HPCAL1: variants seen among roughly 807,000 people sequenced by gnomAD.
The protein encoded by HPCAL1 is hippocalcin-like protein 1.
HPCAL1 carries 8 observed loss-of-function variants against 17.1 expected under a neutral mutation model. The ratio of observed to expected loss-of-function variants is 0.47; its 90% CI spans 0.27 to 0.84. HPCAL1 has a LOEUF of 0.84. HPCAL1 is among the 40% of genes least tolerant of loss of function. The pLI is 0.13. For synonymous variants in HPCAL1, 112 were observed against 111.4 expected, an observed-to-expected ratio of 1.01 and a Z score of -0.03; for missense variants, 165 against 271.1, an observed-to-expected ratio of 0.61 and a Z score of 2.75.
chr2:10,338,636 C>A (rs1664870401), intron 1 of HPCAL1, among the ~76,000 whole-genome samples: 1 of 152,158 alleles, frequency 6.6e-6, no homozygotes, highest in African/African-American at 2.4e-5. Context: ...AAGCCACAGT[C>A]CTGAGTTATG....
At chr2:10,418,450 A>C (rs1670818462) in intron 2 of HPCAL1, among the ~76,000 whole-genome samples, 2 of 84,946 alleles carry the variant, frequency 2.4e-5, no homozygotes, top group Admixed American at 2.7e-4. Flanking sequence ...CCATCTCAAA[A>C]AAAAAAAAAA....
intron 1 of HPCAL1, among the ~76,000 whole-genome samples, chr2:10,318,837 T>G (rs1663488285): frequency 6.6e-6 from 1 of 152,188 alleles, no homozygotes; most frequent in African/African-American, 2.4e-5. Flanking sequence ...TGCCTCCCTA[T>G]GGACTCTGTT....
At chr2:10,326,798 T>C (rs987729111) in intron 1 of HPCAL1, among the ~76,000 whole-genome samples, 2 of 152,210 alleles carry the variant, frequency 1.3e-5, no homozygotes, top group African/African-American at 4.8e-5. Context: ...TCTCCCTCCC[T>C]GTGCATTTGA....
At chr2:10,317,709 T>A (rs1282587513) in intron 1 of HPCAL1, among the ~76,000 whole-genome samples, 1 of 152,244 alleles carries the variant, frequency 6.6e-6, no homozygotes, top group Non-Finnish European at 1.5e-5. Flanking sequence ...TAAACCACCA[T>A]GCTCGGCCTC....
Position 10,359,265 on chromosome 2 carries a change from G to A in HPCAL1, c.-110-37570G>A, listed in dbSNP as rs992366972. ...TCTGGTGTGTGCCTATGTTTGCTGC[G>A]GGCTGGCTCGGCGAGGGGGAGGTGG... On this transcript the variant is annotated intron_variant, in intron 1 of 4. Coordinates refer to ENST00000307845, the MANE Select transcript of HPCAL1 (RefSeq NM_002149.4). The surrounding 1 kb of genome is among the most constrained non-coding windows in gnomAD (Gnocchi z 4.1). 6.6e-6 allele frequency among the ~76,000 whole-genome samples: 1 copy of A among 152,128 alleles called. No individual in the cohort carries two copies. Among genetic ancestry groups the A allele is most frequent in the Non-Finnish European group, 1.5e-5 (1 of 68,026 alleles).
chr2:10,384,178 G>A lies in HPCAL1; in HGVS notation c.-110-12657G>A, dbSNP rs7575496. Among the ~76,000 whole-genome samples the A allele has an allele frequency of 0.54, 81,309 of 151,854 alleles. 22,234 individuals are homozygous for A. Among genetic ancestry groups the A allele is most frequent in the Middle Eastern group, 0.62 (182 of 294 alleles). The stretch of plus-strand genomic sequence containing the variant: ...AACAACCCCAGACCTCCTCCCTCAG[G>A]GTGGGGACAAGGTGAGGGAGGTGGC... On this transcript the variant is annotated intron_variant, in intron 1 of 4. Transcript: ENST00000307845. The surrounding 1 kb of genome is among the most constrained non-coding windows in gnomAD (Gnocchi z 4.4).
intron 1 of HPCAL1, among the ~76,000 whole-genome samples, chr2:10,346,328 A>C (rs371928791): frequency 3.0e-4 from 46 of 152,146 alleles, no homozygotes; most frequent in African/African-American, 1.1e-3. Context: ...CTCATGCCAG[A>C]ATTGGGAGGG....
chr2:10,420,748 A>T, intron 3 of HPCAL1, among the ~76,000 whole-genome samples: 1 of 152,120 alleles, frequency 6.6e-6, no homozygotes, highest in Admixed American at 6.5e-5. Context: ...AAATAGATGA[A>T]TTTCTAAAAA....
chr2:10,318,867 T>A (rs1484149520), intron 1 of HPCAL1, among the ~76,000 whole-genome samples: 1 of 152,326 alleles, frequency 6.6e-6, no homozygotes, highest in East Asian at 1.9e-4. Flanking sequence ...CTACCCTCCC[T>A]GAAGCTTGAA....
chr2:10,427,204 G>T lies in HPCAL1; in HGVS notation c.*383G>T. ...GTGATCCCAAGTGACTCTGTGGGAAGGGTGGGGACGAGGCGTCGGGAGGGT... is the reference window on the plus strand; with the variant it reads ...GTGATCCCAAGTGACTCTGTGGGAATGGTGGGGACGAGGCGTCGGGAGGGT... On this transcript the variant is annotated 3_prime_UTR_variant, in exon 5 of 5. Coordinates refer to ENST00000307845, the MANE Select transcript of HPCAL1 (RefSeq NM_002149.4). 4.6e-6 allele frequency: 1 copy of T among 218,930 alleles called. No homozygotes were observed. Among genetic ancestry groups the T allele is most frequent in the South Asian group, 7.2e-5 (1 of 13,840 alleles). 13.6% of individuals were successfully genotyped at this position (218,930 alleles called of 1,614,324 possible). A position where few individuals can be genotyped will look rare whatever the true frequency, so the allele number is the denominator to read the frequency against.
intron 1 of HPCAL1, among the ~76,000 whole-genome samples, chr2:10,393,931 G>T (rs1668851731): frequency 6.7e-6 from 1 of 148,794 alleles, no homozygotes; most frequent in East Asian, 2.0e-4. Context: ...CCTGGGCAAT[G>T]CAGTGAGATC....
At chr2:10,332,840 T>A (rs1019139002) in intron 1 of HPCAL1, among the ~76,000 whole-genome samples, 1 of 152,044 alleles carries the variant, frequency 6.6e-6, no homozygotes, top group Non-Finnish European at 1.5e-5. Context: ...GGTGGTCAGA[T>A]GTGAAGGGCG....
chr2:10,424,907 T>C (rs774644378), intron 4 of HPCAL1: 1 of 307,806 alleles, frequency 3.2e-6, no homozygotes, highest in Non-Finnish European at 6.6e-6. Context: ...GCTGGGCTGA[T>C]GGGTTTCTCC....
chr2:10,405,260 C>T (rs961968908), intron 2 of HPCAL1, among the ~76,000 whole-genome samples: 2 of 152,232 alleles, frequency 1.3e-5, no homozygotes, highest in African/African-American at 4.8e-5. Context: ...TACACACCCT[C>T]ATCCTGACTG....
At chr2:10,318,735 A>G (rs546523825) in intron 1 of HPCAL1, among the ~76,000 whole-genome samples, 1 of 152,346 alleles carries the variant, frequency 6.6e-6, no homozygotes, top group East Asian at 1.9e-4. Context: ...CTGGGAGGCT[A>G]AGGGCAGCCA....
intron 1 of HPCAL1, among the ~76,000 whole-genome samples, chr2:10,306,116 G>A (rs1485786552): frequency 6.6e-6 from 1 of 152,192 alleles, no homozygotes; most frequent in Non-Finnish European, 1.5e-5. Context: ...ACTAACGGGG[G>A]CCCCGGAGTT....
rs1033426325 is a variant in HPCAL1, at chr2:10,360,069, T to C, written c.-110-36766T>C. ...TCCTGGCGCAGCAGGCCTCAGACCC[T>C]GGGGAGAGCTTTGCTGGAGGAAGTG... is the stretch of plus-strand genomic sequence containing the variant. On this transcript the variant is annotated intron_variant, in intron 1 of 4. Transcript: ENST00000307845. Among the ~76,000 whole-genome samples the C allele has an allele frequency of 4.6e-5, 7 of 152,150 alleles. No homozygotes were observed. The East Asian group carries it at 9.6e-4, about 21-fold the overall frequency.
intron 3 of HPCAL1, among the ~76,000 whole-genome samples, chr2:10,421,792 C>T (rs1254313542): frequency 3.3e-5 from 5 of 152,142 alleles, no homozygotes; most frequent in South Asian, 2.1e-4. Flanking sequence ...CCTCCAGTAG[C>T]GGGTATCAAA....
chr2:10,303,995 TC>T (rs146353622), intron 1 of HPCAL1: 5,132 of 152,316 alleles, frequency 0.034, 128 homozygotes, highest in East Asian at 0.11. Flanking sequence ...CCTTTTTTTT[TC>T]CCCTTTATCG....
Sources: allele counts gnomAD v4.1 joint callset (sites outside exome capture counted in the v4.1 genomes callset), GRCh38; gene constraint gnomAD v4.1.1; non-coding constraint Gnocchi (gnomAD v3.1); transcripts MANE v1.5; gene names NCBI Gene and HGNC (gene_info 2026-07-23, HGNC 2026-07-21).